Variants in PACRGL observed in about 807,000 individuals in gnomAD.
PACRGL encodes the protein parkin coregulated like, also known as PACRG-like protein.
Under a neutral mutation model 34.5 loss-of-function variants are expected in PACRGL, and 38 were observed. That is an observed-to-expected ratio of 1.10 (90% CI 0.85 to 1.44). The LOEUF (loss-of-function observed/expected upper bound fraction) is 1.44. Ranked by LOEUF, PACRGL falls within the 40% of genes most tolerant of loss-of-function variation. The probability of loss-of-function intolerance (pLI) is 0.00; values close to 1 mark genes in which losing one functional copy is unlikely to be tolerated. For synonymous variants in PACRGL, 128 were observed against 100.1 expected (o/e 1.28, Z -1.66); for missense variants, 305 against 281.4 (o/e 1.08, Z -0.60).
intron 7 of PACRGL, among the ~76,000 whole-genome samples, chr4:20,717,486 A>C (rs1332931317): frequency 6.6e-6 from 1 of 152,160 alleles, no homozygotes; most frequent in Non-Finnish European, 1.5e-5. Flanking sequence ...TTAAGTCTTT[A>C]ATCCATCTTG....
chr4:20,766,663 A>G, the PACRGL span: 3 of 152,272 alleles, frequency 2.0e-5, no homozygotes, highest in Admixed American at 1.3e-4. Context: ...TAAGGAGGTT[A>G]TAGGAACTGA....
downstream of PACRGL, among the ~76,000 whole-genome samples, chr4:20,757,881 C>G (rs981144821): frequency 9.2e-5 from 14 of 152,200 alleles, no homozygotes; most frequent in Non-Finnish European, 5.9e-5. Context: ...TTCAACTCAT[C>G]TGGAGAGTCT....
intron 1 of PACRGL, chr4:20,701,990 A>G (rs1265648496): frequency 2.2e-6 from 1 of 449,116 alleles, no homozygotes; most frequent in Non-Finnish European, 4.5e-6. Flanking sequence ...CTGTATGTTT[A>G]ATGCTGAAAA....
At chr4:20,713,086 G>A in intron 6 of PACRGL, 164 bp downstream of exon 6, 2 of 711,782 alleles carry the variant, frequency 2.8e-6, no homozygotes, top group Non-Finnish European at 4.2e-6. Flanking sequence ...TGTTACTCAG[G>A]GCCAGATAAC....
In PACRGL at chr4:20,713,442, A is replaced by G. The variant is rs751588549; in HGVS notation, c.512A>G (p.Asp171Gly). Residue 171 changes from aspartate (D) to glycine (G), a missense_variant, in exon 7 of 9, where the codon GAT (aspartate) becomes GGT (glycine). Asp to Gly is a moderately conservative substitution (Grantham distance 94). Transcript: ENST00000503585. ...TAACCAACCTTACAGGTCCATTCGG[A>G]TGATGAAGTGTTTGAAAGAGGATTG... ...PVLKAALVHS[D>G]DEVFERGLNA... is the part of the protein sequence containing the mutation. The G allele has an allele frequency of 3.1e-6, 5 of 1,613,290 alleles. No homozygotes were observed. The highest frequency in any genetic ancestry group is 2.2e-5 in the East Asian group (1 of 44,846).
chr4:20,718,501 T>A (rs915461462), intron 7 of PACRGL, among the ~76,000 whole-genome samples: 1 of 152,200 alleles, frequency 6.6e-6, no homozygotes, highest in Non-Finnish European at 1.5e-5. Flanking sequence ...TTGAGATACG[T>A]CCCATCAATA....
At chr4:20,702,482 G>T (rs1732627140) in intron 1 of PACRGL, among the ~76,000 whole-genome samples, 1 of 152,156 alleles carries the variant, frequency 6.6e-6, no homozygotes, top group African/African-American at 2.4e-5. Flanking sequence ...CCATTGTAAA[G>T]AAAATTATAA....
At chr4:20,742,873 G>C (rs537657167) in intron 8 of PACRGL, among the ~76,000 whole-genome samples, 3 of 151,928 alleles carry the variant, frequency 2.0e-5, no homozygotes, top group Non-Finnish European at 4.4e-5. Flanking sequence ...GAAGTCTCAG[G>C]GTACAAAAAT....
chr4:20,716,180 C>A, intron 7 of PACRGL: 1 of 1,204,390 alleles, frequency 8.3e-7, no homozygotes, highest in Non-Finnish European at 1.2e-6. Flanking sequence ...CCATGGAACT[C>A]AGGAAAGCTG....
downstream of PACRGL, among the ~76,000 whole-genome samples, chr4:20,735,946 G>T (rs1398977029): frequency 6.6e-6 from 1 of 152,004 alleles, no homozygotes; most frequent in East Asian, 1.9e-4. Context: ...AAGTCTTCTG[G>T]GTGAATTTGC....
chr4:20,738,261 C>A (rs143496607), intron 8 of PACRGL, among the ~76,000 whole-genome samples: 1 of 152,022 alleles, frequency 6.6e-6, no homozygotes, highest in Non-Finnish European at 1.5e-5. Context: ...TCAATGTAAA[C>A]GATATTTTTA....
rs1281337843 is a variant in PACRGL at position 20,727,621 on chromosome 4, G to A, written c.*280G>A. On this transcript the variant is annotated 3_prime_UTR_variant, in exon 9 of 9. Transcript: ENST00000503585. ...CATTATTGAGTTTGCAAGATAAGAT[G>A]TATTTGTATTTTCTAGTGTCTTTTT... is the stretch of plus-strand genomic sequence containing the variant. The A allele has an allele frequency of 3.5e-6, 1 of 284,322 alleles. No individual in the cohort carries two copies. The highest frequency in any genetic ancestry group is 6.5e-6 in the Non-Finnish European group (1 of 153,022). The allele number at this position is 284,322 out of a possible 1,614,324, so 17.6% of individuals were successfully genotyped here.
the PACRGL span, among the ~76,000 whole-genome samples, chr4:20,761,951 A>T: frequency 6.6e-6 from 1 of 152,164 alleles, no homozygotes; most frequent in South Asian, 2.1e-4. Flanking sequence ...GTCTTCTAGG[A>T]ACTGGGACTG....
At chr4:20,761,507 C>T in the PACRGL span, among the ~76,000 whole-genome samples, 1 of 152,144 alleles carries the variant, frequency 6.6e-6, no homozygotes, top group Non-Finnish European at 1.5e-5. Context: ...GATTTATTGG[C>T]TATTTAATGC....
At chr4:20,722,924 C>T (rs1474750128) in intron 7 of PACRGL, among the ~76,000 whole-genome samples, 1 of 152,156 alleles carries the variant, frequency 6.6e-6, no homozygotes, top group Non-Finnish European at 1.5e-5. Flanking sequence ...ATAATGGTTC[C>T]ACTGTTTTTT....
chr4:20,702,432 TTTCA>T (rs1302053327), intron 1 of PACRGL, among the ~76,000 whole-genome samples: 2 of 152,182 alleles, frequency 1.3e-5, no homozygotes, highest in Non-Finnish European at 2.9e-5. Context: ...AAACATGTGG[TTTCA>T]CTATTAGTAA....
intron 1 of PACRGL, among the ~76,000 whole-genome samples, chr4:20,702,947 C>T (rs1732847532): frequency 6.6e-6 from 1 of 152,138 alleles, no homozygotes; most frequent in African/African-American, 2.4e-5. Flanking sequence ...ATTCAGTGTG[C>T]AGAAGCAAGC....
intron 8 of PACRGL, among the ~76,000 whole-genome samples, chr4:20,748,880 GTA>G (rs1294317259): frequency 4.1e-5 from 4 of 97,958 alleles, no homozygotes; most frequent in African/African-American, 1.6e-4. Flanking sequence ...GTGTGTGTGT[GTA>G]TGTGTGTGTG....
At chr4:20,697,150 GGACAC>G (rs2149011836), upstream of PACRGL, among the ~76,000 whole-genome samples, 1 of 152,172 alleles carries the variant, frequency 6.6e-6, no homozygotes, top group South Asian at 2.1e-4. Context: ...ATGTGCAAGC[GGACAC>G]TCAATGACTT....
Sources: allele counts gnomAD v4.1 joint callset (sites outside exome capture counted in the v4.1 genomes callset), GRCh38; gene constraint gnomAD v4.1.1; transcripts MANE v1.5; gene names NCBI Gene and HGNC (gene_info 2026-07-23, HGNC 2026-07-21).